The following IL1RAPL1 variants were observed in gnomAD, a reference collection of about 807,000 sequenced individuals.
The protein encoded by IL1RAPL1 is interleukin-1 receptor accessory protein-like 1.
In IL1RAPL1, 3 loss-of-function variants were observed where a neutral mutation model predicts 48.4. That is an observed-to-expected ratio of 0.06 (90% confidence interval 0.03 to 0.16). IL1RAPL1 has a LOEUF of 0.16. Among genes scored for constraint, IL1RAPL1 ranks in the 10% least tolerant of loss-of-function variants. IL1RAPL1 has a pLI of 1.00. For missense variants in IL1RAPL1, 349 were observed against 530.6 expected (o/e 0.66, Z 3.36); for synonymous variants, 185 against 187.7 (o/e 0.99, Z 0.12).
intron 6 of IL1RAPL1, among the ~76,000 whole-genome samples, chrX:29,902,335 T>C (rs1185249875): frequency 9.0e-6 from 1 of 110,970 alleles, no homozygotes; most frequent in Non-Finnish European, 1.9e-5. Context: ...AACTTTTGTT[T>C]CATGCAGGTA....
At chrX:28,839,484 A>G (rs1432026205) in intron 2 of IL1RAPL1, among the ~76,000 whole-genome samples, 2 of 110,788 alleles carry the variant, frequency 1.8e-5, no homozygotes, top group Non-Finnish European at 3.8e-5. Flanking sequence ...AAATATAAGT[A>G]ATTGGACACT....
At chrX:29,422,861 C>T (rs1934307490) in intron 5 of IL1RAPL1, among the ~76,000 whole-genome samples, 2 of 111,346 alleles carry the variant, frequency 1.8e-5, no homozygotes, top group African/African-American at 6.5e-5. Flanking sequence ...CAGAATGGAC[C>T]CCTCCTTTCG....
intron 6 of IL1RAPL1, among the ~76,000 whole-genome samples, chrX:29,904,265 AAATT>A (rs1366890472): frequency 8.9e-6 from 1 of 111,857 alleles, no homozygotes; most frequent in Non-Finnish European, 1.9e-5. Context: ...TTATTACAGC[AAATT>A]AGAGACTGAA....
intron 2 of IL1RAPL1, among the ~76,000 whole-genome samples, chrX:29,052,993 C>T (rs1173711540): frequency 9.0e-6 from 1 of 111,324 alleles, no homozygotes; most frequent in Non-Finnish European, 1.9e-5. Flanking sequence ...AGCCCACTAC[C>T]CATTAGTTAT....
At chrX:29,653,274 A>G (rs750947288) in intron 5 of IL1RAPL1, among the ~76,000 whole-genome samples, 1 of 112,175 alleles carries the variant, frequency 8.9e-6, no homozygotes, top group South Asian at 3.7e-4. Flanking sequence ...ATGAAACCCT[A>G]TGTACTTATC....
At chrX:28,831,026 C>CTCTCTCTCTCTCTCTCTGTG (rs1438889606) in intron 2 of IL1RAPL1, among the ~76,000 whole-genome samples, 3 of 33,644 alleles carry the variant, frequency 8.9e-5, no homozygotes, top group Non-Finnish European at 1.5e-4. Context: ...CTCTCTCTCT[C>CTCTCTCTCTCTCTCTCTGTG]TGTGTGTGTG....
At chrX:29,791,887 C>T (rs1170256421) in intron 6 of IL1RAPL1, among the ~76,000 whole-genome samples, 1 of 108,977 alleles carries the variant, frequency 9.2e-6, no homozygotes, top group Non-Finnish European at 1.9e-5. Context: ...CGCACCAATA[C>T]GCTCAGCTAA....
intron 1 of IL1RAPL1, among the ~76,000 whole-genome samples, chrX:28,591,134 T>C (rs1048155638): frequency 1.8e-5 from 2 of 111,754 alleles, no homozygotes; most frequent in African/African-American, 6.5e-5. Flanking sequence ...TCAGCCGCAG[T>C]CATGTAGTTA....
chrX:29,161,175 T>C (rs1233569561), intron 2 of IL1RAPL1, among the ~76,000 whole-genome samples: 3 of 111,465 alleles, frequency 2.7e-5, no homozygotes, highest in African/African-American at 9.8e-5. Flanking sequence ...TGACCATCCA[T>C]TGAAAGGTTT....
chrX:29,069,671 C>CACA (rs1927524448), intron 2 of IL1RAPL1, among the ~76,000 whole-genome samples: 1 of 63,856 alleles, frequency 1.6e-5, no homozygotes, highest in Admixed American at 1.6e-4. Context: ...ACACACACAC[C>CACA]CCTCCCCTTC....
intron 2 of IL1RAPL1, among the ~76,000 whole-genome samples, chrX:29,220,297 A>G (rs1402842141): frequency 8.9e-6 from 1 of 112,501 alleles, no homozygotes; most frequent in Non-Finnish European, 1.9e-5. Flanking sequence ...ACAATTAAAA[A>G]TGTTCTTGAA....
chrX:29,551,713 G>A (rs1921821233), intron 5 of IL1RAPL1, among the ~76,000 whole-genome samples: 1 of 110,521 alleles, frequency 9.0e-6, no homozygotes, highest in South Asian at 3.9e-4. Flanking sequence ...TTCAAAAACC[G>A]GTACCCCACA....
chrX:29,218,967 A>G (rs1279771947), intron 2 of IL1RAPL1, among the ~76,000 whole-genome samples: 1 of 112,575 alleles, frequency 8.9e-6, no homozygotes, highest in Non-Finnish European at 1.9e-5. Flanking sequence ...ATTTCTGAGA[A>G]GACACGAAAT....
chrX:29,723,336 C>G (rs1318455290), intron 6 of IL1RAPL1, among the ~76,000 whole-genome samples: 1 of 112,048 alleles, frequency 8.9e-6, no homozygotes, highest in Non-Finnish European at 1.9e-5. Context: ...GCAACCTGTG[C>G]CTCCCGGGCT....
chrX:29,771,065 G>T (rs1435821655), intron 6 of IL1RAPL1, among the ~76,000 whole-genome samples: 1 of 112,050 alleles, frequency 8.9e-6, no homozygotes, highest in Non-Finnish European at 1.9e-5. Flanking sequence ...AAAAAATAAT[G>T]CTGGCCTTGT....
intron 1 of IL1RAPL1, among the ~76,000 whole-genome samples, chrX:28,724,443 T>G (rs1248336641): frequency 2.7e-5 from 3 of 111,192 alleles, no homozygotes; most frequent in Non-Finnish European, 3.8e-5. Context: ...TTTTCCATTT[T>G]CTTGGTAGAT....
At chrX:29,421,212 T>C (rs770773778) in intron 5 of IL1RAPL1, among the ~76,000 whole-genome samples, 4 of 111,185 alleles carry the variant, frequency 3.6e-5, no homozygotes, top group African/African-American at 1.3e-4. Context: ...CTAGACACAG[T>C]AGAAGGGTGG....
chrX:29,340,220 C>A (rs1190960607), intron 3 of IL1RAPL1, among the ~76,000 whole-genome samples: 1 of 111,474 alleles, frequency 9.0e-6, no homozygotes, highest in Non-Finnish European at 1.9e-5. Context: ...GTGAAACATT[C>A]AGTGGCATTT....
chrX:29,080,453 G>A (rs1927777275), intron 2 of IL1RAPL1, among the ~76,000 whole-genome samples: 1 of 110,618 alleles, frequency 9.0e-6, no homozygotes, highest in Admixed American at 9.7e-5. Flanking sequence ...TGGTAAACCA[G>A]GACTCCTCAA....
Sources: allele counts gnomAD v4.1 joint callset (sites outside exome capture counted in the v4.1 genomes callset), GRCh38; gene constraint gnomAD v4.1.1; transcripts MANE v1.5; gene names NCBI Gene and HGNC (gene_info 2026-07-23, HGNC 2026-07-21).